SEMA6D: variants seen among roughly 807,000 people sequenced by gnomAD.
SEMA6D encodes the protein semaphorin 6D.
In SEMA6D, 35 loss-of-function variants were observed where a neutral mutation model predicts 106.6. The observed-to-expected ratio is 0.33, with a 90% CI of 0.25 to 0.44. SEMA6D has a LOEUF of 0.44. SEMA6D is among the 20% of genes least tolerant of loss of function. SEMA6D has a pLI of 1.00. For synonymous variants in SEMA6D, 499 were observed against 487.7 expected (o/e 1.02, Z -0.31); for missense variants, 1,185 against 1,345.9 (o/e 0.88, Z 1.87).
intron 1 of SEMA6D, among the ~76,000 whole-genome samples, chr15:47,283,433 G>A (rs2035220527): frequency 6.6e-6 from 1 of 152,110 alleles, no homozygotes; most frequent in African/African-American, 2.4e-5. Flanking sequence ...ACTTTCCGTT[G>A]GAGGTTTTGG....
intron 11 of SEMA6D, 53 bp from the exon 12 acceptor site, chr15:47,764,585 C>A: frequency 6.2e-7 from 1 of 1,602,034 alleles, no homozygotes; most frequent in Non-Finnish European, 8.5e-7. Context: ...AGATACAGTA[C>A]ATGGTGTGGC....
chr15:47,719,317 A>C (rs1567017730), intron 1 of SEMA6D, among the ~76,000 whole-genome samples: 1 of 152,188 alleles, frequency 6.6e-6, no homozygotes, highest in African/African-American at 2.4e-5. Context: ...AAGGCGCAGC[A>C]CATCGTTACT....
At chr15:47,561,221 A>G (rs2046071612) in intron 3 of SEMA6D, among the ~76,000 whole-genome samples, 1 of 152,096 alleles carries the variant, frequency 6.6e-6, no homozygotes. Context: ...AAAGAAAAGG[A>G]GAAAATCTTG....
chr15:47,350,874 G>A (rs2038298029), intron 1 of SEMA6D, among the ~76,000 whole-genome samples: 1 of 152,142 alleles, frequency 6.6e-6, no homozygotes, highest in South Asian at 2.1e-4. Flanking sequence ...GGTTTTCTGT[G>A]CCTGTTCAGA....
upstream of SEMA6D, among the ~76,000 whole-genome samples, chr15:47,716,146 CT>C (rs2079109855): frequency 6.6e-6 from 1 of 152,196 alleles, no homozygotes; most frequent in Non-Finnish European, 1.5e-5. Context: ...CAAAGCTGTT[CT>C]TTCCGCCCCC....
At chr15:47,529,393 C>T (rs934081919) in intron 3 of SEMA6D, among the ~76,000 whole-genome samples, 3 of 152,044 alleles carry the variant, frequency 2.0e-5, no homozygotes, top group Admixed American at 2.0e-4. Flanking sequence ...AGTGGACTAG[C>T]ACAGTTCAAA....
chr15:47,555,040 C>T (rs914239111), intron 3 of SEMA6D, among the ~76,000 whole-genome samples: 5 of 152,118 alleles, frequency 3.3e-5, no homozygotes, highest in South Asian at 2.1e-4. Context: ...CAAGCAGGCC[C>T]GCTTCAAATA....
At chr15:47,229,083 G>A (rs1211104563) in intron 1 of SEMA6D, among the ~76,000 whole-genome samples, 1 of 151,994 alleles carries the variant, frequency 6.6e-6, no homozygotes, top group Admixed American at 6.6e-5. Context: ...GTATACTAAA[G>A]AGACTAGACT....
intron 3 of SEMA6D, among the ~76,000 whole-genome samples, chr15:47,480,224 A>G (rs896651461): frequency 3.3e-5 from 5 of 152,064 alleles, no homozygotes; most frequent in African/African-American, 9.7e-5. Flanking sequence ...TGAAAGTAAT[A>G]ACTTCCAGAA....
At chr15:47,342,014 T>C (rs1054364978) in intron 1 of SEMA6D, among the ~76,000 whole-genome samples, 1 of 152,116 alleles carries the variant, frequency 6.6e-6, no homozygotes, top group African/African-American at 2.4e-5. Context: ...GTGTTTTTTT[T>C]TTTCCTTTTT....
intron 1 of SEMA6D, among the ~76,000 whole-genome samples, chr15:47,261,130 T>A (rs1263622520): frequency 6.6e-6 from 1 of 152,184 alleles, no homozygotes. Context: ...GAAGTCCAGC[T>A]AGTGCTATTT....
At chr15:47,608,984 C>G (rs1005760168) in intron 4 of SEMA6D, among the ~76,000 whole-genome samples, 6 of 152,168 alleles carry the variant, frequency 3.9e-5, no homozygotes, top group Admixed American at 3.9e-4. Context: ...GATTCTGGTT[C>G]ACACATTTAT....
intron 3 of SEMA6D, among the ~76,000 whole-genome samples, chr15:47,586,429 G>A (rs2076340964): frequency 6.6e-6 from 1 of 152,094 alleles, no homozygotes; most frequent in Admixed American, 6.6e-5. Context: ...GTCTTGGTTG[G>A]GCAAGGCAGC....
At chr15:47,326,374 A>C (rs2037129757) in intron 1 of SEMA6D, among the ~76,000 whole-genome samples, 1 of 152,194 alleles carries the variant, frequency 6.6e-6, no homozygotes, top group Non-Finnish European at 1.5e-5. Context: ...ATTTTATTCC[A>C]TTTGGCTTGC....
At chr15:47,642,293 T>C (rs1229857001) in intron 4 of SEMA6D, among the ~76,000 whole-genome samples, 1 of 152,200 alleles carries the variant, frequency 6.6e-6, no homozygotes, top group African/African-American at 2.4e-5. Flanking sequence ...TAAAGATCAT[T>C]AGTTCAGCCC....
At chr15:47,529,734 G>A (rs2044890280) in intron 3 of SEMA6D, among the ~76,000 whole-genome samples, 1 of 152,016 alleles carries the variant, frequency 6.6e-6, no homozygotes. Context: ...TTCCACAAAT[G>A]AGGGTCATTG....
chr15:47,433,617 A>G (rs2041608536), intron 2 of SEMA6D, among the ~76,000 whole-genome samples: 1 of 152,118 alleles, frequency 6.6e-6, no homozygotes, highest in South Asian at 2.1e-4. Context: ...AAACATTGCA[A>G]TTCAATGTTT....
At chr15:47,652,717 A>T (rs148209258) in intron 4 of SEMA6D, among the ~76,000 whole-genome samples, 1 of 152,226 alleles carries the variant, frequency 6.6e-6, no homozygotes, top group African/African-American at 2.4e-5. Flanking sequence ...CTCTAAAGAA[A>T]GCAAGGTCCA....
At chr15:47,254,325 G>A (rs1327247392) in intron 1 of SEMA6D, among the ~76,000 whole-genome samples, 2 of 78,652 alleles carry the variant, frequency 2.5e-5, no homozygotes. Flanking sequence ...ATATATGTGT[G>A]TGTGTGTATA....
Sources: gnomAD v4.1 joint callset for allele counts (sites outside exome capture counted in the v4.1 genomes callset) on GRCh38, gnomAD v4.1.1 for gene constraint, MANE v1.5 for transcripts, NCBI Gene and HGNC (gene_info 2026-07-23, HGNC 2026-07-21) for gene names.